APBB2: variants seen among roughly 807,000 people sequenced by gnomAD.
The protein encoded by APBB2 is Fe65-like 1.
A neutral mutation model predicts 82.5 loss-of-function variants in APBB2; 38 were observed. The ratio of observed to expected loss-of-function variants is 0.46; its 90% CI spans 0.36 to 0.60. The LOEUF is 0.60. Ranked by LOEUF, APBB2 falls within the 20% of genes least tolerant of loss-of-function variation. The pLI is 0.00. For missense variants in APBB2, 772 were observed against 972.3 expected (o/e 0.79, Z 2.74); for synonymous variants, 341 against 368.2 (o/e 0.93, Z 0.85).
intron 4 of APBB2, among the ~76,000 whole-genome samples, chr4:41,041,206 G>C (rs1721336630): frequency 6.6e-6 from 1 of 152,126 alleles, no homozygotes; most frequent in Non-Finnish European, 1.5e-5. Context: ...AACTCACTCT[G>C]GGGGTGGGTT....
At chr4:40,988,169 CAA>C (rs1350577031) in intron 6 of APBB2, among the ~76,000 whole-genome samples, 1 of 152,166 alleles carries the variant, frequency 6.6e-6, no homozygotes, top group Non-Finnish European at 1.5e-5. Flanking sequence ...ACAAGAATTC[CAA>C]AGTCATATCA....
chr4:40,965,006 G>A (rs1400630466), intron 6 of APBB2, among the ~76,000 whole-genome samples: 1 of 152,062 alleles, frequency 6.6e-6, no homozygotes, highest in South Asian at 2.1e-4. Flanking sequence ...TGTAGTCCCA[G>A]CTACTTGGGA....
At chr4:40,830,392 G>C in intron 13 of APBB2, 71 bp downstream of exon 13, 2 of 1,053,442 alleles carry the variant, frequency 1.9e-6, no homozygotes, top group Non-Finnish European at 3.0e-6. Flanking sequence ...CCACTCCCCC[G>C]CCCTTCCACA....
At chr4:41,039,299 T>G (rs1041502793) in intron 4 of APBB2, among the ~76,000 whole-genome samples, 4 of 152,214 alleles carry the variant, frequency 2.6e-5, no homozygotes, top group African/African-American at 9.6e-5. Flanking sequence ...CCTTCCACAC[T>G]CACCTAGTGG....
intron 6 of APBB2, among the ~76,000 whole-genome samples, chr4:40,968,288 T>C (rs1795143958): frequency 2.0e-5 from 3 of 152,140 alleles, no homozygotes; most frequent in South Asian, 2.1e-4. Flanking sequence ...ATATATAAAA[T>C]TGTATTTCAG....
At chr4:40,978,145 G>C (rs1017735831) in intron 6 of APBB2, among the ~76,000 whole-genome samples, 1 of 152,210 alleles carries the variant, frequency 6.6e-6, no homozygotes, top group African/African-American at 2.4e-5. Context: ...CTTGACAACT[G>C]TCAAAGATGT....
chr4:40,820,166 G>T (rs1394546132), intron 17 of APBB2, among the ~76,000 whole-genome samples: 1 of 152,224 alleles, frequency 6.6e-6, no homozygotes, highest in Non-Finnish European at 1.5e-5. Flanking sequence ...TTCACATGCA[G>T]CAGTTCTCCC....
At chr4:41,152,162 G>C (rs753854080) in intron 1 of APBB2, among the ~76,000 whole-genome samples, 5 of 151,660 alleles carry the variant, frequency 3.3e-5, no homozygotes, top group South Asian at 2.1e-4. Flanking sequence ...CTTAGGTCTT[G>C]GCTTTCCAAA....
chr4:40,832,607 G>A lies in APBB2; in HGVS notation c.1530-2030C>T, dbSNP rs1022168084. The stretch of plus-strand genomic sequence containing the variant: ...CCTCCATTTCCAGCCCCCTCACCAC[G>A]CAGCCATTCTAAGCTGCTCTTCGCC... On this transcript the variant is annotated intron_variant, in intron 12 of 17. Transcript: ENST00000508593. The surrounding 1 kb of genome is among the most constrained non-coding windows in gnomAD (Gnocchi z 4.8). 4.6e-5 allele frequency among the ~76,000 whole-genome samples: 7 copies of A among 152,018 alleles called. No homozygotes were observed. The highest frequency in any genetic ancestry group is 1.3e-4 in the Admixed American group (2 of 15,264).
rs764675082 is a variant in APBB2 at position 40,827,233 on chromosome 4, A to G, written c.1645-14T>C. 7 of 1,613,668 alleles carry G rather than the reference A, an allele frequency of 4.3e-6. No individual in the cohort carries two copies. The highest frequency in any genetic ancestry group is 5.9e-6 in the Non-Finnish European group (7 of 1,179,592). ...TTCAGCCATAATCTAAGGGGGAAAA[A>G]GTGCAGCTTTGGAGCGTGGGTTCAA... On this transcript the variant is annotated splice_polypyrimidine_tract_variant and intron_variant, in intron 13 of 17. Coordinates refer to ENST00000508593, the MANE Select transcript of APBB2 (RefSeq NM_004307.2).
intron 10 of APBB2, among the ~76,000 whole-genome samples, chr4:40,908,287 T>C (rs955860917): frequency 2.6e-5 from 4 of 152,118 alleles, no homozygotes; most frequent in African/African-American, 4.8e-5. Flanking sequence ...AACGTTTCTG[T>C]AGTTGAAGCC....
At chr4:41,147,481 CT>C (rs558746840) in intron 1 of APBB2, among the ~76,000 whole-genome samples, 4,400 of 103,102 alleles carry the variant, frequency 0.043, 144 homozygotes, top group African/African-American at 0.12. Context: ...GTTTGGCCAG[CT>C]TTTTTTTTTT....
At chr4:40,860,221 G>A (rs191379258) in intron 12 of APBB2, among the ~76,000 whole-genome samples, 2 of 152,248 alleles carry the variant, frequency 1.3e-5, no homozygotes, top group East Asian at 3.9e-4. Flanking sequence ...GCCTGACTGG[G>A]GTGTTTCTGT....
intron 3 of APBB2, among the ~76,000 whole-genome samples, chr4:41,080,958 G>C (rs1737400103): frequency 6.6e-6 from 1 of 152,078 alleles, no homozygotes; most frequent in Non-Finnish European, 1.5e-5. Context: ...CACCATGTAG[G>C]CCAGGCTGGC....
At chr4:41,034,385 C>T (rs560164861) in intron 4 of APBB2, among the ~76,000 whole-genome samples, 4 of 152,290 alleles carry the variant, frequency 2.6e-5, no homozygotes, top group Non-Finnish European at 5.9e-5. Context: ...AGGGCAATAG[C>T]GCAATCTCGG....
At chr4:40,985,023 T>C (rs1399248216) in intron 6 of APBB2, among the ~76,000 whole-genome samples, 2 of 151,952 alleles carry the variant, frequency 1.3e-5, no homozygotes, top group East Asian at 3.9e-4. Context: ...GTGGCTCAAG[T>C]GATTCTCTCA....
At chr4:41,194,839 GTTTTTCTTTTTTTAAT>G in intron 1 of APBB2, among the ~76,000 whole-genome samples, 5 of 151,762 alleles carry the variant, frequency 3.3e-5, no homozygotes, top group East Asian at 3.9e-4. Flanking sequence ...TCACTCACTC[GTTTTTCTTTTTTTAAT>G]TTTTTCTTTT....
intron 1 of APBB2, among the ~76,000 whole-genome samples, chr4:41,157,454 T>C (rs889396219): frequency 6.6e-6 from 1 of 152,154 alleles, no homozygotes. Flanking sequence ...CCTAAATTTT[T>C]CACCCCTAGA....
intron 2 of APBB2, among the ~76,000 whole-genome samples, chr4:41,102,565 G>A (rs937017882): frequency 6.6e-6 from 1 of 152,170 alleles, no homozygotes; most frequent in African/African-American, 2.4e-5. Flanking sequence ...GGCTGCACTT[G>A]GGCCAAAACC....
Sources: gnomAD v4.1 joint callset for allele counts (sites outside exome capture counted in the v4.1 genomes callset) on GRCh38, gnomAD v4.1.1 for gene constraint, Gnocchi (gnomAD v3.1) non-coding constraint, MANE v1.5 for transcripts, NCBI Gene and HGNC (gene_info 2026-07-23, HGNC 2026-07-21) for gene names.